Variants in FOCAD observed in about 807,000 individuals in gnomAD.
The protein encoded by FOCAD is focadhesin.
A neutral mutation model predicts 225.6 loss-of-function variants in FOCAD; 198 were observed. That is an observed-to-expected ratio of 0.88 (90% CI 0.78 to 0.99). The LOEUF (loss-of-function observed/expected upper bound fraction) is 0.99. FOCAD is among the 50% of genes least tolerant of loss of function. The pLI is 0.00. For missense variants in FOCAD, 2,713 were observed against 2,123.6 expected (o/e 1.28, Z -5.46); for synonymous variants, 897 against 755.0 (o/e 1.19, Z -3.08).
chr9:20,675,152 T>C (rs963049076), intron 2 of FOCAD, among the ~76,000 whole-genome samples: 3 of 152,234 alleles, frequency 2.0e-5, no homozygotes, highest in African/African-American at 2.4e-5. Context: ...TGGCCATGAC[T>C]TGCTGTAAGG....
chr9:20,658,060 G>A (rs528733039), upstream of FOCAD, among the ~76,000 whole-genome samples: 15 of 147,200 alleles, frequency 1.0e-4, no homozygotes, highest in African/African-American at 3.2e-4. Flanking sequence ...GTGTGCCCCT[G>A]CTGGGGGGTG....
intron 24 of FOCAD, among the ~76,000 whole-genome samples, chr9:20,918,029 T>A (rs1834016753): frequency 1.3e-5 from 2 of 152,220 alleles, no homozygotes; most frequent in African/African-American, 4.8e-5. Context: ...GGAGACTCAT[T>A]CTTGTCTTGT....
intron 11 of FOCAD, among the ~76,000 whole-genome samples, chr9:20,806,063 G>A (rs946624586): frequency 2.0e-5 from 3 of 152,144 alleles, no homozygotes; most frequent in African/African-American, 7.2e-5. Flanking sequence ...GACGTACCCA[G>A]ACATTTAGCA....
At chr9:20,913,956 C>T (rs1309918454) in intron 23 of FOCAD, among the ~76,000 whole-genome samples, 2 of 151,946 alleles carry the variant, frequency 1.3e-5, no homozygotes, top group Non-Finnish European at 2.9e-5. Flanking sequence ...GGAGTTAGGT[C>T]CCTAGAAGTT....
chr9:20,703,341 G>T (rs1824124879), intron 1 of FOCAD, among the ~76,000 whole-genome samples: 1 of 152,046 alleles, frequency 6.6e-6, no homozygotes, highest in African/African-American at 2.4e-5. Context: ...TTGTCGGGGT[G>T]GTTTAAGGAA....
chr9:20,825,844 T>G (rs1394918591), intron 15 of FOCAD, among the ~76,000 whole-genome samples: 1 of 152,108 alleles, frequency 6.6e-6, no homozygotes, highest in African/African-American at 2.4e-5. Context: ...ACCTTCCAAC[T>G]CTTTCAAGGT....
chr9:20,935,955 T>C (rs1220701321), intron 28 of FOCAD, among the ~76,000 whole-genome samples: 1 of 152,222 alleles, frequency 6.6e-6, no homozygotes, highest in Non-Finnish European at 1.5e-5. Context: ...TAATGAAAGA[T>C]AAAAATGAAA....
chr9:20,665,477 CT>C (rs1236845797), intron 2 of FOCAD, among the ~76,000 whole-genome samples: 1 of 152,184 alleles, frequency 6.6e-6, no homozygotes, highest in Non-Finnish European at 1.5e-5. Context: ...AGTTCAGTCA[CT>C]TCCTCAGAAT....
At chr9:20,802,961 T>G (rs1822008322) in intron 11 of FOCAD, among the ~76,000 whole-genome samples, 1 of 152,150 alleles carries the variant, frequency 6.6e-6, no homozygotes, top group Non-Finnish European at 1.5e-5. Context: ...GTAATAGAAT[T>G]TTATTTCTTT....
At chr9:20,752,512 A>T (rs1465109129) in intron 5 of FOCAD, among the ~76,000 whole-genome samples, 1 of 151,986 alleles carries the variant, frequency 6.6e-6, no homozygotes, top group Admixed American at 6.6e-5. Context: ...TGTTCCATTG[A>T]TCTATATCTC....
intron 15 of FOCAD, among the ~76,000 whole-genome samples, chr9:20,837,673 C>T (rs1484818991): frequency 6.6e-6 from 1 of 151,984 alleles, no homozygotes; most frequent in African/African-American, 2.4e-5. Flanking sequence ...TGATTGGAAG[C>T]ATTATGTTTG....
intron 15 of FOCAD, among the ~76,000 whole-genome samples, chr9:20,844,041 A>G (rs1365205378): frequency 2.0e-5 from 3 of 152,134 alleles, no homozygotes; most frequent in Admixed American, 2.0e-4. Flanking sequence ...AGTTCCTTGA[A>G]AAGTTAAACA....
intron 15 of FOCAD, among the ~76,000 whole-genome samples, chr9:20,853,569 A>G (rs1271202390): frequency 6.6e-6 from 1 of 151,754 alleles, no homozygotes; most frequent in Non-Finnish European, 1.5e-5. Flanking sequence ...AAGTCCAAAT[A>G]TTTTTGATTC....
chr9:20,923,650 T>G lies in FOCAD; in HGVS notation c.2853-10T>G, dbSNP rs1834665263. The G allele has an allele frequency of 1.2e-6, 2 of 1,611,582 alleles. No individual in the cohort carries two copies. The highest frequency in any genetic ancestry group is 1.7e-6 in the Non-Finnish European group (2 of 1,178,272). On this transcript the variant is annotated splice_polypyrimidine_tract_variant and intron_variant, in intron 24 of 43. Transcript: ENST00000338382. ...AAGTTCTCTGTTGAAATTTTTTTCC[T>G]TTTGAACAGGGAGAGTCCGGTAGTG...
chr9:20,939,771 A>G (rs1482220813), intron 28 of FOCAD, among the ~76,000 whole-genome samples: 2 of 129,794 alleles, frequency 1.5e-5, no homozygotes, highest in East Asian at 4.5e-4. Context: ...TTTAAATTAT[A>G]CTTTAAGTTC....
At chr9:20,825,888 G>C (rs1824838806) in intron 15 of FOCAD, among the ~76,000 whole-genome samples, 1 of 152,024 alleles carries the variant, frequency 6.6e-6, no homozygotes, top group Admixed American at 6.6e-5. Context: ...TTTCTTTAGT[G>C]CTACTTTGCT....
At position 20,953,037 on chromosome 9, in the gene FOCAD, T is replaced by G; in HGVS notation, c.4104T>G (p.Ile1368Met). The G allele has an allele frequency of 6.2e-7, 1 of 1,613,614 alleles. No individual in the cohort carries two copies. Among genetic ancestry groups the G allele is most frequent in the South Asian group, 1.1e-5 (1 of 91,030 alleles). The stretch of plus-strand genomic sequence containing the variant: ...AAAGCAGTTTTATTGGAGCAGCTAT[T>G]GGCTTCTTCATTACAGGAGGAAAAA... The part of the protein sequence containing the change: ...LPESSFIGAA[I>M]GFFITGGKKG... The change falls in exon 35 of 44, where the codon ATT (isoleucine) becomes ATG (methionine). Residue 1368 changes from isoleucine (I) to methionine (M), a missense_variant. Transcript: ENST00000338382.
At chr9:20,971,800 C>G (rs1030572272) in intron 35 of FOCAD, among the ~76,000 whole-genome samples, 3 of 151,966 alleles carry the variant, frequency 2.0e-5, no homozygotes, top group Admixed American at 1.3e-4. Context: ...ATTCCATTTT[C>G]TTTTTCTATG....
intron 6 of FOCAD, among the ~76,000 whole-genome samples, chr9:20,760,308 C>G (rs1213265044): frequency 6.6e-6 from 1 of 152,176 alleles, no homozygotes; most frequent in Non-Finnish European, 1.5e-5. Context: ...TGGAAGCTTT[C>G]TATGGGAAAA....
Sources: allele counts gnomAD v4.1 joint callset (sites outside exome capture counted in the v4.1 genomes callset), GRCh38; gene constraint gnomAD v4.1.1; transcripts MANE v1.5; gene names NCBI Gene and HGNC (gene_info 2026-07-23, HGNC 2026-07-21).